Variants in RNF111 observed in about 807,000 individuals in gnomAD.
RNF111 encodes E3 ubiquitin-protein ligase Arkadia.
RNF111 carries 17 observed loss-of-function variants against 95.1 expected under a neutral mutation model. The observed-to-expected ratio is 0.18, with a 90% CI of 0.12 to 0.27. The LOEUF is 0.27. Among genes scored for constraint, RNF111 ranks in the 10% least tolerant of loss-of-function variants. The pLI is 1.00. For missense variants in RNF111, 1,189 were observed against 1,210.4 expected, an observed-to-expected ratio of 0.98 and a Z score of 0.26; for synonymous variants, 440 against 414.8, an observed-to-expected ratio of 1.06 and a Z score of -0.74.
In RNF111 at chr15:59,067,031, T is replaced by C. The variant is rs767294754; in HGVS notation, c.1634T>C (p.Val545Ala). ...TGCCCTGTGGAAAGACCTCCACAAG[T>C]ACAAGCACCTTGTGGAGCAAATAGT... ...PACPVERPPQ[V>A]QAPCGANSSS... The change falls in exon 6 of 14, where the codon GTA becomes GCA. Residue 545 changes from valine to alanine, a missense_variant. Physicochemically the swap from Val to Ala is moderately conservative, Grantham distance 64. Coordinates refer to ENST00000348370, the MANE Select transcript of RNF111 (RefSeq NM_017610.8). 4.3e-6 allele frequency: 7 copies of C among 1,614,004 alleles called. No homozygotes were observed. Among genetic ancestry groups the C allele is most frequent in the Middle Eastern group, 1.6e-4 (1 of 6,084 alleles).
chr15:59,047,068 T>G (rs909895952), intron 2 of RNF111, among the ~76,000 whole-genome samples: 7 of 151,764 alleles, frequency 4.6e-5, no homozygotes, highest in African/African-American at 1.5e-4. Flanking sequence ...AGCAATCCAC[T>G]TACCTCAGCC....
intron 2 of RNF111, among the ~76,000 whole-genome samples, chr15:59,033,051 G>A (rs571452458): frequency 4.1e-4 from 63 of 152,324 alleles, no homozygotes; most frequent in African/African-American, 1.4e-3. Flanking sequence ...AGTGAGCATT[G>A]AAGAGCTGTC....
In RNF111 at chr15:59,058,492, A is replaced by G. The variant is rs1180779775; in HGVS notation, c.1308A>G (p.Thr436=). 2.5e-6 allele frequency: 4 copies of G among 1,614,096 alleles called. No homozygotes were observed. The East Asian group carries it at 6.7e-5, about 27-fold the overall frequency. The part of the protein sequence containing the change: ...ASAVTSSQPS[T]VSETSATLTS... The stretch of plus-strand genomic sequence containing the variant: ...CTGTCACCAGTAGCCAACCTTCCAC[A>G]GTGTCAGAGACTTCAGCTACTCTTA... The change falls in exon 5 of 14, where the codon ACA becomes ACG. Residue 436 remains threonine (T), a synonymous_variant. Coordinates refer to ENST00000348370, the MANE Select transcript of RNF111 (RefSeq NM_017610.8).
chr15:59,054,278 T>A (rs182847886), intron 3 of RNF111, among the ~76,000 whole-genome samples: 1 of 152,298 alleles, frequency 6.6e-6, no homozygotes, highest in African/African-American at 2.4e-5. Context: ...TTTTAGAGTC[T>A]TTTGTGTCAG....
rs1235005013 is a variant in RNF111, at chr15:59,003,080, ACTC to A, written c.-20+15015_-20+15017del. ...CTATTAAAGCTTACTGCAGCCTTGA[ACTC>A]CTGGCCTCAAGTGATCCTACTGCCT... On this transcript the variant is annotated intron_variant, in intron 1 of 13. Transcript: ENST00000348370. 2.0e-5 allele frequency among the ~76,000 whole-genome samples: 3 copies of A among 151,630 alleles called. No homozygotes were observed. The East Asian group carries it at 5.8e-4, about 29-fold the overall frequency.
At chr15:59,076,552 G>C (rs575166609) in intron 7 of RNF111, among the ~76,000 whole-genome samples, 8 of 152,254 alleles carry the variant, frequency 5.3e-5, no homozygotes, top group African/African-American at 1.7e-4. Context: ...ATATTCATTT[G>C]ATGCAGGCAA....
At chr15:59,058,597 T>C (rs371958532) in intron 5 of RNF111, 47 bp downstream of exon 5, 135 of 1,501,328 alleles carry the variant, frequency 9.0e-5, no homozygotes, top group Non-Finnish European at 1.2e-4. Flanking sequence ...ATTACTTTCG[T>C]TAGGAAAAGT....
intron 3 of RNF111, among the ~76,000 whole-genome samples, chr15:59,055,025 G>T (rs953919423): frequency 1.3e-5 from 2 of 152,124 alleles, no homozygotes; most frequent in African/African-American, 2.4e-5. Flanking sequence ...AGTAAATTTA[G>T]AACAGTGTAA....
In RNF111 at chr15:59,081,182, C is replaced by T. The variant is rs144710041; in HGVS notation, c.2195C>T (p.Ser732Leu). 4.5e-5 allele frequency: 72 copies of T among 1,614,082 alleles called. No individual in the cohort carries two copies. The highest frequency in any genetic ancestry group is 1.1e-4 in the East Asian group (5 of 44,902). Residue 732 changes from serine to leucine, a missense_variant, in exon 8 of 14, where the codon TCG (serine) becomes TTG (leucine). Physicochemically the swap from Ser to Leu is moderately radical, Grantham distance 145. Coordinates refer to ENST00000348370, the MANE Select transcript of RNF111 (RefSeq NM_017610.8). ...QHLPPTHQPI[S>L]HHIPATAPPA... ...CTTCCTCCTACACACCAGCCAATTT[C>T]GCACCATATTCCAGCCACAGCACCT...
intron 10 of RNF111, 82 bp downstream of exon 10, chr15:59,085,867 T>C: frequency 8.8e-7 from 1 of 1,142,326 alleles, no homozygotes; most frequent in South Asian, 1.5e-5. Context: ...TTCACTATAT[T>C]AATATAGATG....
chr15:59,073,981 T>C (rs567282887), intron 6 of RNF111, among the ~76,000 whole-genome samples: 5 of 152,238 alleles, frequency 3.3e-5, no homozygotes, highest in Non-Finnish European at 5.9e-5. Context: ...CTATGTGCAT[T>C]GTCAAGAAAC....
At chr15:59,042,400 A>G (rs1284779198) in intron 2 of RNF111, among the ~76,000 whole-genome samples, 3 of 152,180 alleles carry the variant, frequency 2.0e-5, no homozygotes, top group African/African-American at 7.2e-5. Context: ...TGCTGGGATT[A>G]TAGGCGTGAG....
intron 3 of RNF111, among the ~76,000 whole-genome samples, chr15:59,054,835 T>A (rs1043239961): frequency 1.3e-5 from 2 of 152,164 alleles, no homozygotes. Context: ...GACAATAAGG[T>A]TATAAGCAGT....
intron 1 of RNF111, among the ~76,000 whole-genome samples, chr15:59,019,221 G>C (rs1256980681): frequency 6.6e-6 from 1 of 150,978 alleles, no homozygotes; most frequent in Non-Finnish European, 1.5e-5. Flanking sequence ...TTACAGGTGT[G>C]ATCCATTTAT....
At chr15:59,016,124 A>G (rs1053789571) in intron 1 of RNF111, among the ~76,000 whole-genome samples, 1 of 151,176 alleles carries the variant, frequency 6.6e-6, no homozygotes. Context: ...GGCATGAGTC[A>G]CTGCTCCTGG....
Position 59,095,079 on chromosome 15 carries a change from G to T in RNF111, c.*179G>T. The T allele has an allele frequency of 1.8e-6, 1 of 562,510 alleles. No homozygotes were observed. Among genetic ancestry groups the T allele is most frequent in the Non-Finnish European group, 3.2e-6 (1 of 316,094 alleles). The allele number at this position is 562,510 out of a possible 1,614,324, so 34.8% of individuals were successfully genotyped here. A position where few individuals can be genotyped will look rare whatever the true frequency, so the allele number is the denominator to read the frequency against. ...GTTTATGTATACAGTTGATTTTGAT[G>T]TATTTATAAAAGCTTTTTTTTCTAG... is the stretch of plus-strand genomic sequence containing the variant. On this transcript the variant is annotated 3_prime_UTR_variant, in exon 14 of 14. Coordinates refer to ENST00000348370, the MANE Select transcript of RNF111 (RefSeq NM_017610.8).
At chr15:59,038,451 C>T (rs1481898055) in intron 2 of RNF111, among the ~76,000 whole-genome samples, 1 of 152,118 alleles carries the variant, frequency 6.6e-6, no homozygotes, top group East Asian at 1.9e-4. Context: ...GCTGTGAATA[C>T]TTCTGTCCCT....
intron 1 of RNF111, among the ~76,000 whole-genome samples, chr15:59,005,760 G>C (rs2039513818): frequency 6.6e-6 from 1 of 152,164 alleles, no homozygotes; most frequent in African/African-American, 2.4e-5. Flanking sequence ...TCTTTGCCTG[G>C]ACGATTTCTA....
At chr15:59,063,572 CTCT>C (rs1419946483) in intron 5 of RNF111, among the ~76,000 whole-genome samples, 2 of 152,290 alleles carry the variant, frequency 1.3e-5, no homozygotes, top group East Asian at 3.9e-4. Context: ...AATCATATAT[CTCT>C]GTATTTCACC....
Sources: allele counts gnomAD v4.1 joint callset (sites outside exome capture counted in the v4.1 genomes callset), GRCh38; gene constraint gnomAD v4.1.1; transcripts MANE v1.5; gene names NCBI Gene and HGNC (gene_info 2026-07-23, HGNC 2026-07-21).